Variants in CRAMP1 observed in about 807,000 individuals in gnomAD.
CRAMP1 encodes protein cramped-like.
Under a neutral mutation model 115.4 loss-of-function variants are expected in CRAMP1, and 50 were observed. That is an observed-to-expected ratio of 0.43 (90% CI 0.35 to 0.55). The LOEUF is 0.55. CRAMP1 is among the 20% of genes least tolerant of loss of function. The pLI is 0.01. For synonymous variants in CRAMP1, 866 were observed against 745.4 expected, an observed-to-expected ratio of 1.16 and a Z score of -2.64; for missense variants, 1,679 against 1,721.7, an observed-to-expected ratio of 0.98 and a Z score of 0.44.
At chr16:1,617,082 C>A (rs55807365) in intron 2 of CRAMP1, among the ~76,000 whole-genome samples, 12,412 of 152,086 alleles carry the variant, frequency 0.082, 561 homozygotes, top group African/African-American at 0.11. Context: ...CCTCAGCCCC[C>A]CAAAGTGCTG....
At chr16:1,660,715 G>A (rs916169193) in intron 11 of CRAMP1, among the ~76,000 whole-genome samples, 3 of 152,214 alleles carry the variant, frequency 2.0e-5, no homozygotes, top group African/African-American at 7.2e-5. Flanking sequence ...TGTAAAAATG[G>A]TGAGTTTTAG....
At chr16:1,665,260 C>T (rs903427026) in intron 14 of CRAMP1, 122 bp downstream of exon 14, 15 of 713,738 alleles carry the variant, frequency 2.1e-5, no homozygotes, top group African/African-American at 3.5e-5. Context: ...GTCCATTCTA[C>T]CGACAAATAC....
chr16:1,629,875 G>A lies in CRAMP1; in HGVS notation c.541-2337G>A, dbSNP rs866456443. On this transcript the variant is annotated intron_variant, in intron 3 of 20. Transcript: ENST00000397412. Reference sequence around the variant, plus strand: ...GGGTGCCAGCCTTCCAGCCCCACCCGCCAGCCCACAGCAGCTTCTGTCTTC... The same window carrying A: ...GGGTGCCAGCCTTCCAGCCCCACCCACCAGCCCACAGCAGCTTCTGTCTTC... 5.3e-5 allele frequency among the ~76,000 whole-genome samples: 8 copies of A among 152,128 alleles called. No homozygotes were observed. The South Asian group carries it at 1.2e-3, about 24-fold the overall frequency.
At chr16:1,661,774 A>C (rs1472552279) in intron 11 of CRAMP1, among the ~76,000 whole-genome samples, 1 of 151,952 alleles carries the variant, frequency 6.6e-6, no homozygotes, top group Non-Finnish European at 1.5e-5. Flanking sequence ...TTTTGTTTTC[A>C]GTAGAGACAG....
chr16:1,622,724 A>C (rs1488989980), intron 2 of CRAMP1, among the ~76,000 whole-genome samples: 1 of 150,526 alleles, frequency 6.6e-6, no homozygotes, highest in Non-Finnish European at 1.5e-5. Flanking sequence ...CTGGGACTGC[A>C]GGTGTGTGCC....
In CRAMP1 at chr16:1,670,782, G is replaced by A. The variant is rs2036915705; in HGVS notation, c.3618G>A (p.Val1206=). The change falls in exon 20 of 21, where the codon GTG becomes GTA. Residue 1206 remains valine (V), a synonymous_variant. Coordinates refer to ENST00000397412, the MANE Select transcript of CRAMP1 (RefSeq NM_020825.4). The part of the protein sequence containing the change: ...LLDGNSRDSF[V]SRSLADVAEV... Reference sequence around the variant, plus strand: ...ATGGAAACTCGCGGGACTCATTTGTGTCCAGGTCCCTGGCTGACGTTGCAG... The same window carrying A: ...ATGGAAACTCGCGGGACTCATTTGTATCCAGGTCCCTGGCTGACGTTGCAG... 3 of 1,613,990 alleles carry A rather than the reference G, an allele frequency of 1.9e-6. No individual in the cohort carries two copies. The highest frequency in any genetic ancestry group is 1.3e-5 in the African/African-American group (1 of 75,016).
rs1291688076 is a variant in CRAMP1, at chr16:1,674,193, C to T, written c.*148C>T. 1.3e-5 allele frequency: 10 copies of T among 762,546 alleles called. No individual in the cohort carries two copies. The highest frequency in any genetic ancestry group is 7.4e-5 in the South Asian group (4 of 54,100). The allele number at this position is 762,546 out of a possible 1,614,324, so 47.2% of individuals were successfully genotyped here. A position where few individuals can be genotyped will look rare whatever the true frequency, so the allele number is the denominator to read the frequency against. On this transcript the variant is annotated 3_prime_UTR_variant, in exon 21 of 21. Coordinates refer to ENST00000397412, the MANE Select transcript of CRAMP1 (RefSeq NM_020825.4). ...ACGTGGTCACAGAGCTGCTTCCCCA[C>T]GAGCAGCAGGCAACGGCGTCCAAGG...
In CRAMP1 at chr16:1,612,952, G is replaced by A. The variant is rs577938203; in HGVS notation, c.-2+295G>A. 3.3e-5 allele frequency among the ~76,000 whole-genome samples: 5 copies of A among 152,216 alleles called. 1 individual carries two copies. In the South Asian group the frequency reaches 1.0e-3, roughly 32 times the overall value. ...TTAGGGTAAAGTCTGGACGGCGTCG[G>A]TCCTTTCAGTGGCGAAAAGCGCTTC... On this transcript the variant is annotated intron_variant, in intron 1 of 20. Coordinates refer to ENST00000397412, the MANE Select transcript of CRAMP1 (RefSeq NM_020825.4).
chr16:1,629,633 G>A (rs1042787990), intron 3 of CRAMP1, among the ~76,000 whole-genome samples: 2 of 152,100 alleles, frequency 1.3e-5, no homozygotes, highest in South Asian at 2.1e-4. Flanking sequence ...AGACGACCCC[G>A]CAGTGACATG....
At chr16:1,619,422 C>T (rs2036447770) in intron 2 of CRAMP1, among the ~76,000 whole-genome samples, 2 of 152,168 alleles carry the variant, frequency 1.3e-5, no homozygotes, top group South Asian at 4.1e-4. Context: ...CTCAGGTGAT[C>T]CGCCTGCCTC....
At chr16:1,637,650 A>G (rs1011632832) in intron 4 of CRAMP1, among the ~76,000 whole-genome samples, 174 bp from the exon 5 acceptor site, 1 of 152,216 alleles carries the variant, frequency 6.6e-6, no homozygotes, top group Non-Finnish European at 1.5e-5. Flanking sequence ...AATCGCAGAC[A>G]CAGCACCGTG....
Position 1,655,920 on chromosome 16 carries a change from C to T in CRAMP1, c.1163C>T (p.Ala388Val), listed in dbSNP as rs368481277. ...CGGCAGCTGCAGGACTCATGCTCCG[C>T]ACCGATGCAGGAGAAGGTGACACTG... The part of the protein sequence containing the change: ...EERQLQDSCS[A>V]PMQEKVTLHL... The change falls in exon 10 of 21, where the codon GCA becomes GTA. Residue 388 changes from alanine (A) to valine (V), a missense_variant. This residue lies in a region of CRAMP1 where 191 missense variants were observed against 236.2 expected (regional missense o/e 0.81). Coordinates refer to ENST00000397412, the MANE Select transcript of CRAMP1 (RefSeq NM_020825.4). 13 of 1,612,822 alleles carry T rather than the reference C, an allele frequency of 8.1e-6. No individual in the cohort carries two copies. In the African/African-American group the frequency reaches 1.1e-4, roughly 13 times the overall value.
chr16:1,653,787 C>T (rs1405824452), intron 8 of CRAMP1, among the ~76,000 whole-genome samples: 6 of 146,690 alleles, frequency 4.1e-5, no homozygotes, highest in Non-Finnish European at 8.9e-5. Flanking sequence ...CGCCACTGCA[C>T]TCCAGCCTGG....
At chr16:1,638,500 G>C (rs939532152) in intron 5 of CRAMP1, among the ~76,000 whole-genome samples, 2 of 152,192 alleles carry the variant, frequency 1.3e-5, no homozygotes, top group African/African-American at 4.8e-5. Context: ...GCTTGGATTT[G>C]TTCCGATCGT....
intron 4 of CRAMP1, 24 bp downstream of exon 4, chr16:1,632,389 C>T (rs151111443): frequency 2.3e-4 from 359 of 1,565,718 alleles, no homozygotes; most frequent in Middle Eastern, 5.1e-4. Flanking sequence ...GGGCCAGGCT[C>T]GGGGGTGCCC....
Position 1,659,060 on chromosome 16 carries a change from C to G in CRAMP1, c.2236-826C>G, listed in dbSNP as rs529278454. On this transcript the variant is annotated intron_variant, in intron 10 of 20. Coordinates refer to ENST00000397412, the MANE Select transcript of CRAMP1 (RefSeq NM_020825.4). ...TCCCCTGGGGTTGGGCTCTGTGGGC[C>G]TGCACAACCCCCAAAGTTGGGCTTC... Among the ~76,000 whole-genome samples the G allele has an allele frequency of 1.7e-3, 262 of 152,286 alleles. 1 individual carries two copies. The highest frequency in any genetic ancestry group is 2.9e-3 in the Admixed American group (45 of 15,300).
In CRAMP1 at chr16:1,612,474, C is replaced by T. The variant is rs953941585; in HGVS notation, c.-185C>T. 1 of 151,270 alleles carries T rather than the reference C, an allele frequency of 6.6e-6. No homozygotes were observed. Among genetic ancestry groups the T allele is most frequent in the East Asian group, 1.9e-4 (1 of 5,148 alleles). The allele number at this position is 151,270 out of a possible 1,614,324, so 9.4% of individuals were successfully genotyped here. A position where few individuals can be genotyped will look rare whatever the true frequency, so the allele number is the denominator to read the frequency against. On this transcript the variant is annotated 5_prime_UTR_variant, in exon 1 of 21. Transcript: ENST00000397412. ...CAGCCCCCGCAGCCGCGCGCCGGCC[C>T]GCGGAGGGGACGTGCCGGGGCTAGC...
chr16:1,615,945 A>G (rs933542141), intron 2 of CRAMP1, among the ~76,000 whole-genome samples: 3 of 152,218 alleles, frequency 2.0e-5, no homozygotes, highest in African/African-American at 7.2e-5. Flanking sequence ...AAGGAAATAT[A>G]TTACGAACTA....
chr16:1,612,735 G>T (rs1032922080), intron 1 of CRAMP1, among the ~76,000 whole-genome samples, 78 bp downstream of exon 1: 3 of 151,928 alleles, frequency 2.0e-5, no homozygotes, highest in East Asian at 1.9e-4. Flanking sequence ...GGAGAGCGCG[G>T]GGGGGGCGTC....
Sources: gnomAD v4.1 joint callset for allele counts (sites outside exome capture counted in the v4.1 genomes callset) on GRCh38, gnomAD v4.1.1 for gene constraint, gnomAD v4.1.1 regional missense constraint, MANE v1.5 for transcripts, NCBI Gene and HGNC (gene_info 2026-07-23, HGNC 2026-07-21) for gene names.